The following UBN2 variants were observed in gnomAD, a reference collection of about 807,000 sequenced individuals.
UBN2 encodes the protein ubinuclein-2.
A neutral mutation model predicts 120.2 loss-of-function variants in UBN2; 35 were observed. The ratio of observed to expected loss-of-function variants is 0.29; its 90% CI spans 0.22 to 0.39. The LOEUF (loss-of-function observed/expected upper bound fraction) is 0.39, where lower values mean the gene tolerates loss of function less well. Ranked by LOEUF, UBN2 falls within the 10% of genes least tolerant of loss-of-function variation. The pLI is 1.00. For synonymous variants in UBN2, 661 were observed against 648.7 expected (o/e 1.02, Z -0.29); for missense variants, 1,693 against 1,663.2 (o/e 1.02, Z -0.31).
At chr7:139,286,316 C>G (rs895038389) in intron 15 of UBN2, among the ~76,000 whole-genome samples, 4 of 152,028 alleles carry the variant, frequency 2.6e-5, no homozygotes, top group African/African-American at 9.7e-5. Flanking sequence ...TGCCCGCTTC[C>G]GCCTCCCAAA....
At position 139,266,245 on chromosome 7, in the gene UBN2, A is replaced by AG. The variant is rs1491376417; in HGVS notation, c.1396-87dup. On this transcript the variant is annotated intron_variant, in intron 6 of 17. Coordinates refer to ENST00000473989, the MANE Select transcript of UBN2 (RefSeq NM_173569.4). The stretch of plus-strand genomic sequence containing the variant: ...CTATCTCAAAAAAAAAAAAAAAAAA[A>AG]GAAAAAAACCTTTGAACACGTGTCC... 17 of 794,958 alleles carry AG rather than the reference A, an allele frequency of 2.1e-5. 1 individual carries two copies. In the African/African-American group the frequency reaches 2.7e-4, roughly 13 times the overall value. The allele number at this position is 794,958 out of a possible 1,614,324, so 49.2% of individuals were successfully genotyped here.
Position 139,274,030 on chromosome 7 carries a change from G to A in UBN2, c.1929G>A (p.Glu643=), listed in dbSNP as rs778079118. The A allele has an allele frequency of 6.2e-7, 1 of 1,613,310 alleles. No individual in the cohort carries two copies. The highest frequency in any genetic ancestry group is 1.7e-5 in the Admixed American group (1 of 59,838). Residue 643 remains glutamate, a synonymous_variant, in exon 11 of 18, where the codon GAG becomes GAA. Coordinates refer to ENST00000473989, the MANE Select transcript of UBN2 (RefSeq NM_173569.4). ...SAEDYLKSFM[E]TEVKPLWPKG... is the part of the protein sequence containing the mutation. The stretch of plus-strand genomic sequence containing the variant: ...AAGATTATCTTAAGTCTTTTATGGA[G>A]ACAGAAGTGAAGCCCCTGTGGCCTA...
chr7:139,275,278 A>C (rs1374748250), intron 11 of UBN2, among the ~76,000 whole-genome samples: 2 of 123,448 alleles, frequency 1.6e-5, no homozygotes, highest in Admixed American at 8.0e-5. Flanking sequence ...ACTCTGTCTC[A>C]AAAAAAAAAA....
At chr7:139,309,089 G>C (rs1331186960), downstream of UBN2, among the ~76,000 whole-genome samples, 1 of 152,120 alleles carries the variant, frequency 6.6e-6, no homozygotes, top group Non-Finnish European at 1.5e-5. Context: ...AGAAATTCAG[G>C]TAAGGGGTGG....
chr7:139,323,282 C>T, the UBN2 span, among the ~76,000 whole-genome samples: 10 of 152,002 alleles, frequency 6.6e-5, no homozygotes, highest in African/African-American at 9.7e-5. Context: ...GGTGAAACCT[C>T]GTCTCTACCA....
chr7:139,258,461 C>T (rs116050227), intron 3 of UBN2, 27 bp from the exon 4 acceptor site: 84 of 1,522,856 alleles, frequency 5.5e-5, no homozygotes, highest in East Asian at 5.3e-4. Context: ...CAGGATATAG[C>T]GGAAACTTTT....
At chr7:139,311,880 G>A (rs980906310), downstream of UBN2, among the ~76,000 whole-genome samples, 4 of 152,186 alleles carry the variant, frequency 2.6e-5, no homozygotes, top group Non-Finnish European at 4.4e-5. Context: ...TAGATGTAGC[G>A]TCATGGAGTG....
chr7:139,270,789 G>A (rs1797250464), intron 8 of UBN2, among the ~76,000 whole-genome samples: 1 of 151,774 alleles, frequency 6.6e-6, no homozygotes, highest in South Asian at 2.1e-4. Flanking sequence ...CTGTTGCCCA[G>A]GCTGGAGTGC....
chr7:139,261,206 C>A, intron 5 of UBN2, 46 bp from the exon 6 acceptor site: 3 of 1,528,556 alleles, frequency 2.0e-6, no homozygotes, highest in East Asian at 2.3e-5. Flanking sequence ...GACACTTTAA[C>A]GTTTAAAATC....
At chr7:139,248,426 G>T (rs1031759450) in intron 2 of UBN2, among the ~76,000 whole-genome samples, 6 of 151,938 alleles carry the variant, frequency 3.9e-5, no homozygotes, top group African/African-American at 1.5e-4. Context: ...CATCTTTTCA[G>T]AATTTAAAAT....
chr7:139,273,669 T>C (rs1167677143), intron 10 of UBN2, among the ~76,000 whole-genome samples: 1 of 152,198 alleles, frequency 6.6e-6, no homozygotes, highest in African/African-American at 2.4e-5. Context: ...GGTGAAGTAC[T>C]TTCAACATAT....
chr7:139,283,261 G>C lies in UBN2; in HGVS notation c.2356G>C (p.Val786Leu), dbSNP rs1214818246. The change falls in exon 15 of 18, where the codon GTT (valine) becomes CTT (leucine). Residue 786 changes from valine (V) to leucine (L), a missense_variant. By Grantham distance (32) the Val-to-Leu change is conservative (BLOSUM62 1). Transcript: ENST00000473989. ...VINNGNKGPP[V>L]GSRISMPTTK... ...CAACAATGGGAACAAGGGCCCTCCA[G>C]TTGGCTCAAGGATAAGCATGCCAAC... 1 of 1,613,684 alleles carries C rather than the reference G, an allele frequency of 6.2e-7. No individual in the cohort carries two copies. The highest frequency in any genetic ancestry group is 1.7e-5 in the Admixed American group (1 of 59,906).
chr7:139,235,190 G>C (rs1796131144), intron 1 of UBN2, among the ~76,000 whole-genome samples: 1 of 152,032 alleles, frequency 6.6e-6, no homozygotes, highest in Non-Finnish European at 1.5e-5. Flanking sequence ...TATAAAATGA[G>C]TCATACCATA....
Position 139,283,226 on chromosome 7 carries a change from T to C in UBN2, c.2321T>C (p.Leu774Ser). The change falls in exon 15 of 18, where the codon TTA becomes TCA. Residue 774 changes from leucine (L) to serine (S), a missense_variant. This residue lies in a region of UBN2 where 837 missense variants were observed against 817.6 expected (regional missense o/e 1.02). Transcript: ENST00000473989. ...SPSLDLVSEA[L>S]AVINNGNKGP... The stretch of plus-strand genomic sequence containing the variant: ...TCACTGGATCTTGTTTCTGAAGCTT[T>C]AGCGGTTATCAACAATGGGAACAAG... 1 of 1,613,186 alleles carries C rather than the reference T, an allele frequency of 6.2e-7. No individual in the cohort carries two copies. Among genetic ancestry groups the C allele is most frequent in the South Asian group, 1.1e-5 (1 of 90,992 alleles).
intron 2 of UBN2, among the ~76,000 whole-genome samples, chr7:139,240,745 C>T (rs1796299097): frequency 1.3e-5 from 2 of 152,090 alleles, no homozygotes; most frequent in South Asian, 4.1e-4. Flanking sequence ...TGGCCATGTT[C>T]TGTTTCCTGT....
At chr7:139,273,765 A>T (rs1172444156) in intron 10 of UBN2, among the ~76,000 whole-genome samples, 166 bp from the exon 11 acceptor site, 1 of 152,226 alleles carries the variant, frequency 6.6e-6, no homozygotes, top group African/African-American at 2.4e-5. Flanking sequence ...TTGATTAAAG[A>T]TATCAAAGGA....
chr7:139,285,000 A>G (rs913713651), intron 15 of UBN2, among the ~76,000 whole-genome samples: 36 of 151,880 alleles, frequency 2.4e-4, no homozygotes, highest in Middle Eastern at 3.4e-3. Flanking sequence ...TCTCCTGCCA[A>G]TTTTCTTATT....
intron 15 of UBN2, 54 bp from the exon 16 acceptor site, chr7:139,293,178 A>G (rs1402198429): frequency 7.0e-7 from 1 of 1,430,402 alleles, no homozygotes; most frequent in South Asian, 1.2e-5. Context: ...TAGAAAATAA[A>G]TCAATTTGGG....
chr7:139,321,518 T>C, the UBN2 span, among the ~76,000 whole-genome samples: 2 of 152,118 alleles, frequency 1.3e-5, no homozygotes, highest in Non-Finnish European at 2.9e-5. Context: ...AGGCCTGCCG[T>C]GGTTCTCTAG....
Sources: gnomAD v4.1 joint callset for allele counts (sites outside exome capture counted in the v4.1 genomes callset) on GRCh38, gnomAD v4.1.1 for gene constraint, gnomAD v4.1.1 regional missense constraint, MANE v1.5 for transcripts, NCBI Gene and HGNC (gene_info 2026-07-23, HGNC 2026-07-21) for gene names.